Variants in GOSR2 observed in about 807,000 individuals in gnomAD.
GOSR2 encodes the protein golgi SNAP receptor complex member 2.
GOSR2 carries 20 observed loss-of-function variants against 27.9 expected under a neutral mutation model. The ratio of observed to expected loss-of-function variants is 0.72; its 90% confidence interval spans 0.50 to 1.04. GOSR2 has a LOEUF of 1.04. GOSR2 is among the 50% of genes least tolerant of loss of function. The probability of loss-of-function intolerance (pLI) is 0.00; values close to 1 mark genes in which losing one functional copy is unlikely to be tolerated. For synonymous variants in GOSR2, 91 were observed against 98.8 expected (o/e 0.92, Z 0.47); for missense variants, 261 against 270.5 (o/e 0.97, Z 0.25).
chr17:46,974,095 C>T (rs1271035843), intron 6 of GOSR2, among the ~76,000 whole-genome samples: 1 of 152,248 alleles, frequency 6.6e-6, no homozygotes, highest in South Asian at 2.1e-4. Context: ...TTCTAGGGGA[C>T]ATCTTGCTGG....
At chr17:46,925,916 A>T (rs75232902) in intron 1 of GOSR2, among the ~76,000 whole-genome samples, 5,132 of 152,320 alleles carry the variant, frequency 0.034, 164 homozygotes, top group African/African-American at 0.083. Context: ...GATGAACTTT[A>T]TAGAGGAGCT....
chr17:46,963,019 C>A (rs965684285), intron 6 of GOSR2, among the ~76,000 whole-genome samples: 1 of 150,228 alleles, frequency 6.7e-6, no homozygotes, highest in African/African-American at 2.4e-5. Flanking sequence ...TGCCACATGG[C>A]TAATAAAGAA....
rs1483130222 is a variant in GOSR2, at chr17:46,940,663, C to G, written c.*1903C>G. ...GGCAGAAGTCCCCGCACCCATCATG[C>G]GTGGACTGATAGGACATCTTTTCGT... On this transcript the variant is annotated 3_prime_UTR_variant, in exon 6 of 6. Coordinates refer to ENST00000640051, the MANE Select transcript of GOSR2 (RefSeq NM_004287.5). 8 of 1,613,182 alleles carry G rather than the reference C, an allele frequency of 5.0e-6. No homozygotes were observed. The highest frequency in any genetic ancestry group is 1.3e-5 in the African/African-American group (1 of 74,930).
Position 46,938,913 on chromosome 17 carries a change from C to T in GOSR2, c.*153C>T, listed in dbSNP as rs1365910822. 3 of 1,522,946 alleles carry T rather than the reference C, an allele frequency of 2.0e-6. No homozygotes were observed. The highest frequency in any genetic ancestry group is 1.2e-5 in the South Asian group (1 of 84,088). The allele number at this position is 1,522,946 out of a possible 1,614,324, so 94.3% of individuals were successfully genotyped here. A position where few individuals can be genotyped will look rare whatever the true frequency, so the allele number is the denominator to read the frequency against. On this transcript the variant is annotated 3_prime_UTR_variant, in exon 6 of 6. Coordinates refer to ENST00000640051, the MANE Select transcript of GOSR2 (RefSeq NM_004287.5). ...GAGTGATTGTGGTCTAATTTCCAACCTGCTCTGTTTTCTGTGACATCTTGG... is the reference window on the plus strand; with the variant it reads ...GAGTGATTGTGGTCTAATTTCCAACTTGCTCTGTTTTCTGTGACATCTTGG...
intron 5 of GOSR2, chr17:46,935,981 GT>G: frequency 1.0e-6 from 1 of 985,926 alleles, no homozygotes; most frequent in Non-Finnish European, 1.2e-6. Context: ...CTTTATCTTA[GT>G]TTTTGTTGGA....
At chr17:46,936,804 C>T (rs907540987) in intron 5 of GOSR2, 3 of 984,270 alleles carry the variant, frequency 3.0e-6, no homozygotes, top group Non-Finnish European at 3.6e-6. Context: ...AAATACATTT[C>T]TCTGATCTCT....
In GOSR2 at chr17:46,938,669, AGAAGCGGGC is replaced by A; in HGVS notation, c.549_557del (p.Glu183_Ala186delinsAsp). On this transcript the variant is annotated inframe_deletion, in exon 6 of 6. Coordinates refer to ENST00000640051, the MANE Select transcript of GOSR2 (RefSeq NM_004287.5). Reference sequence around the variant, plus strand: ...TCCAACACAGTGATGCGGCTCATCGAGAAGCGGGCTTTCCAGGACAAGTACTTTATGATA... The same window carrying A: ...TCCAACACAGTGATGCGGCTCATCGATTTCCAGGACAAGTACTTTATGATA... 1 of 1,614,038 alleles carries A rather than the reference AGAAGCGGGC, an allele frequency of 6.2e-7. No homozygotes were observed. The highest frequency in any genetic ancestry group is 8.5e-7 in the Non-Finnish European group (1 of 1,180,010).
At position 46,938,967 on chromosome 17, in the gene GOSR2, G is replaced by A. The variant is rs1434749969; in HGVS notation, c.*207G>A. The stretch of plus-strand genomic sequence containing the variant: ...GGGAGCTAGTGCCACCACCATGCGC[G>A]GTGCTTAGGAAATGAAAGAAGTCCC... On this transcript the variant is annotated 3_prime_UTR_variant, in exon 6 of 6. Coordinates refer to ENST00000640051, the MANE Select transcript of GOSR2 (RefSeq NM_004287.5). 13 of 1,440,218 alleles carry A rather than the reference G, an allele frequency of 9.0e-6. No individual in the cohort carries two copies. The highest frequency in any genetic ancestry group is 6.8e-5 in the Admixed American group (3 of 44,152). The allele number at this position is 1,440,218 out of a possible 1,614,324, so 89.2% of individuals were successfully genotyped here.
intron 6 of GOSR2, among the ~76,000 whole-genome samples, chr17:46,960,493 C>G (rs2090991708): frequency 6.6e-6 from 1 of 152,212 alleles, no homozygotes; most frequent in South Asian, 2.1e-4. Flanking sequence ...CCAGCAATCT[C>G]ATTTCTAGGT....
rs746177544 is a variant in GOSR2 at position 46,932,060 on chromosome 17, A to G, written c.204-7A>G. 2.0e-5 allele frequency: 32 copies of G among 1,613,158 alleles called. No homozygotes were observed. The highest frequency in any genetic ancestry group is 2.6e-5 in the Non-Finnish European group (31 of 1,179,300). On this transcript the variant is annotated splice_region_variant and splice_polypyrimidine_tract_variant and intron_variant, in intron 3 of 5. Transcript: ENST00000640051. The stretch of plus-strand genomic sequence containing the variant: ...TGGAATTTAATCTCTCTCTCCATCA[A>G]TTCCAGTCGGGTTGACCAGTTAAAG...
downstream of GOSR2, chr17:46,942,059 TAACTG>T (rs140146244): frequency 2.5e-3 from 1,327 of 537,874 alleles, 2 homozygotes; most frequent in Non-Finnish European, 2.6e-3. Context: ...TTTGAGGAAA[TAACTG>T]AAACAGATAC....
intron 5 of GOSR2, chr17:46,935,478 A>G (rs1417437114): frequency 2.2e-6 from 3 of 1,362,042 alleles, no homozygotes; most frequent in Non-Finnish European, 2.8e-6. Flanking sequence ...AGGCTGAGAA[A>G]TTGTGTTACA....
At chr17:46,972,351 C>A (rs2091401849) in intron 6 of GOSR2, among the ~76,000 whole-genome samples, 1 of 152,218 alleles carries the variant, frequency 6.6e-6, no homozygotes, top group Non-Finnish European at 1.5e-5. Flanking sequence ...CATTTCTAGT[C>A]CAGCTATAGT....
At chr17:46,924,154 C>T (rs1457736111) in intron 1 of GOSR2, 4 of 307,050 alleles carry the variant, frequency 1.3e-5, no homozygotes, top group African/African-American at 8.5e-5. Flanking sequence ...CTAGTAACCT[C>T]TGTTTTACTT....
downstream of GOSR2, among the ~76,000 whole-genome samples, chr17:46,944,444 G>T (rs985931592): frequency 6.6e-6 from 1 of 152,092 alleles, no homozygotes; most frequent in African/African-American, 2.4e-5. Flanking sequence ...CCCGAGTCAC[G>T]TAGTGCTTTT....
Position 46,957,209 on chromosome 17 carries a change from G to A in GOSR2, c.584-9325G>A, listed in dbSNP as rs187031307. Among the ~76,000 whole-genome samples the A allele has an allele frequency of 5.5e-3, 838 of 152,328 alleles. 9 individuals carry two copies. Among genetic ancestry groups the A allele is most frequent in the African/African-American group, 0.019 (802 of 41,572 alleles). On this transcript the variant is annotated intron_variant, in intron 6 of 6. Coordinates refer to the GOSR2 transcript ENST00000573224. ...AGTCTCAGCTACTTTGGAGGCTGAG[G>A]TGGGAGGACTGCTTGAGCCCAGGAG...
chr17:46,942,477 G>C (rs2089413054), downstream of GOSR2, among the ~76,000 whole-genome samples: 1 of 152,332 alleles, frequency 6.6e-6, no homozygotes, highest in Non-Finnish European at 1.5e-5. Context: ...GGAACCATGG[G>C]CCCACTTAAT....
chr17:46,956,937 A>G (rs1251517701), intron 6 of GOSR2, among the ~76,000 whole-genome samples: 1 of 152,232 alleles, frequency 6.6e-6, no homozygotes, highest in Non-Finnish European at 1.5e-5. Flanking sequence ...AGTCAGGGAA[A>G]GCCACACAAG....
chr17:46,960,924 C>CTT (rs1310394862), intron 6 of GOSR2, among the ~76,000 whole-genome samples: 4 of 152,004 alleles, frequency 2.6e-5, no homozygotes, highest in Non-Finnish European at 4.4e-5. Flanking sequence ...TGACACAACT[C>CTT]TAAGTATTTG....
Sources: gnomAD v4.1 joint callset for allele counts (sites outside exome capture counted in the v4.1 genomes callset) on GRCh38, gnomAD v4.1.1 for gene constraint, MANE v1.5 for transcripts, NCBI Gene and HGNC (gene_info 2026-07-23, HGNC 2026-07-21) for gene names.